RBPJ: variants seen among roughly 807,000 people sequenced by gnomAD.
The protein encoded by RBPJ is recombining binding protein suppressor of hairless.
In RBPJ, 9 loss-of-function variants were observed where a neutral mutation model predicts 67.8. The observed-to-expected ratio is 0.13, with a 90% CI of 0.08 to 0.23. RBPJ has a LOEUF of 0.23. Among genes scored for constraint, RBPJ ranks in the 10% least tolerant of loss-of-function variants. RBPJ has a pLI of 1.00. For missense variants in RBPJ, 305 were observed against 595.6 expected, an observed-to-expected ratio of 0.51 and a Z score of 5.08; for synonymous variants, 198 against 203.3, an observed-to-expected ratio of 0.97 and a Z score of 0.22.
At chr4:26,120,471 A>T in the RBPJ span, among the ~76,000 whole-genome samples, 1 of 152,308 alleles carries the variant, frequency 6.6e-6, no homozygotes, top group Admixed American at 6.5e-5. Flanking sequence ...CTTGAGAGAC[A>T]AATTTAGTCC....
the RBPJ span, among the ~76,000 whole-genome samples, chr4:26,130,332 A>T: frequency 6.6e-6 from 1 of 152,218 alleles, no homozygotes; most frequent in African/African-American, 2.4e-5. Flanking sequence ...AGGAGTGGTT[A>T]CATCTTCTCA....
intron 1 of RBPJ, among the ~76,000 whole-genome samples, chr4:26,282,424 C>G (rs1280321861): frequency 1.3e-5 from 2 of 151,794 alleles, no homozygotes; most frequent in Non-Finnish European, 2.9e-5. Flanking sequence ...ACTGGTGCAC[C>G]CACATAACAG....
intron 4 of RBPJ, among the ~76,000 whole-genome samples, chr4:26,417,706 G>T (rs1734732391): frequency 6.6e-6 from 1 of 152,224 alleles, no homozygotes; most frequent in Non-Finnish European, 1.5e-5. Flanking sequence ...AGGCAAAGAT[G>T]TCCTGAGCAG....
At chr4:26,351,614 C>G (rs1726814152) in intron 1 of RBPJ, among the ~76,000 whole-genome samples, 1 of 152,184 alleles carries the variant, frequency 6.6e-6, no homozygotes, top group Non-Finnish European at 1.5e-5. Flanking sequence ...CTCAGGAACT[C>G]AAGTCTTCCG....
the RBPJ span, among the ~76,000 whole-genome samples, chr4:26,105,598 C>T: frequency 6.6e-6 from 1 of 152,148 alleles, no homozygotes; most frequent in Non-Finnish European, 1.5e-5. Context: ...CCAGTATTTC[C>T]TGTTTCCAGT....
intron 1 of RBPJ, among the ~76,000 whole-genome samples, chr4:26,262,061 T>A (rs1394684871): frequency 6.6e-6 from 1 of 152,156 alleles, no homozygotes; most frequent in Non-Finnish European, 1.5e-5. Flanking sequence ...TCCTCCCACC[T>A]CAGCCTCCTA....
At chr4:26,316,048 G>A (rs1722598255), upstream of RBPJ, among the ~76,000 whole-genome samples, 1 of 151,890 alleles carries the variant, frequency 6.6e-6, no homozygotes, top group Non-Finnish European at 1.5e-5. Context: ...CAATCAATTT[G>A]TACAACAGTG....
chr4:26,233,201 C>T (rs575334397), intron 1 of RBPJ, among the ~76,000 whole-genome samples: 3 of 152,146 alleles, frequency 2.0e-5, no homozygotes, highest in Non-Finnish European at 4.4e-5. Flanking sequence ...TTCATGAATA[C>T]ATTTGATAAG....
chr4:26,125,806 A>G, the RBPJ span, among the ~76,000 whole-genome samples: 1 of 152,084 alleles, frequency 6.6e-6, no homozygotes, highest in Non-Finnish European at 1.5e-5. Context: ...TTCAAAAAAA[A>G]AAAAAAATCG....
At chr4:26,342,362 T>C (rs1387281379) in intron 1 of RBPJ, among the ~76,000 whole-genome samples, 5 of 152,148 alleles carry the variant, frequency 3.3e-5, no homozygotes, top group Admixed American at 2.6e-4. Context: ...GGTAGTATTA[T>C]CTTGTTTTAC....
chr4:26,156,234 T>C, the RBPJ span, among the ~76,000 whole-genome samples: 4 of 152,162 alleles, frequency 2.6e-5, no homozygotes, highest in East Asian at 5.8e-4. Flanking sequence ...TAAAGTCAAG[T>C]TGACAATCTG....
chr4:26,197,510 C>T (rs186869413), intron 1 of RBPJ, among the ~76,000 whole-genome samples: 2 of 152,282 alleles, frequency 1.3e-5, no homozygotes, highest in African/African-American at 4.8e-5. Context: ...TGTCAGTGGT[C>T]CCAGCAACAC....
chr4:26,274,693 C>T (rs963297791), intron 1 of RBPJ, among the ~76,000 whole-genome samples: 20 of 151,928 alleles, frequency 1.3e-4, no homozygotes, highest in Non-Finnish European at 2.8e-4. Context: ...CCCAGCTCTT[C>T]GGGAGGCTGA....
upstream of RBPJ, among the ~76,000 whole-genome samples, chr4:26,316,434 TAC>T (rs1166735306): frequency 7.0e-6 from 1 of 143,566 alleles, no homozygotes; most frequent in Admixed American, 7.1e-5. Context: ...CATTCATATA[TAC>T]ATTCATATAC....
the RBPJ span, among the ~76,000 whole-genome samples, chr4:26,133,423 A>C: frequency 6.6e-6 from 1 of 152,110 alleles, no homozygotes; most frequent in Non-Finnish European, 1.5e-5. Context: ...AAAACAAACA[A>C]ACAAAAAACT....
rs1719058816 is a variant in RBPJ at position 26,225,881 on chromosome 4, C to T, written c.-167+62267C>T. On this transcript the variant is annotated intron_variant, in intron 1 of 4. Coordinates refer to the RBPJ transcript ENST00000512351. ...AAAAGGAATAGGCCAGGCATGGTGG[C>T]TCATGCCTGTAATCCCAGCACTTTG... 1.3e-5 allele frequency among the ~76,000 whole-genome samples: 2 copies of T among 152,058 alleles called. 1 individual carries two copies. The highest frequency in any genetic ancestry group is 4.1e-4 in the South Asian group (2 of 4,820).
intron 1 of RBPJ, among the ~76,000 whole-genome samples, chr4:26,373,288 T>G (rs1312732891): frequency 6.6e-6 from 1 of 152,214 alleles, no homozygotes; most frequent in Non-Finnish European, 1.5e-5. Flanking sequence ...ATGTCCTATT[T>G]TATATGTGTT....
intron 1 of RBPJ, among the ~76,000 whole-genome samples, chr4:26,259,262 T>G (rs1367250212): frequency 6.6e-6 from 1 of 152,210 alleles, no homozygotes; most frequent in Non-Finnish European, 1.5e-5. Context: ...AAGGACTCTC[T>G]GATGAAGCTT....
At chr4:26,284,625 C>A (rs1341201987) in intron 1 of RBPJ, among the ~76,000 whole-genome samples, 1 of 151,920 alleles carries the variant, frequency 6.6e-6, no homozygotes, top group Non-Finnish European at 1.5e-5. Context: ...TGTGCCACCA[C>A]GCCTGGCTAA....
Sources: allele counts gnomAD v4.1 joint callset (sites outside exome capture counted in the v4.1 genomes callset), GRCh38; gene constraint gnomAD v4.1.1; transcripts MANE v1.5; gene names NCBI Gene and HGNC (gene_info 2026-07-23, HGNC 2026-07-21).